Variants in FRAS1 observed in about 807,000 individuals in gnomAD.
The protein encoded by FRAS1 is extracellular matrix organizing protein FRAS1.
FRAS1 carries 290 observed loss-of-function variants against 435.2 expected under a neutral mutation model. The observed-to-expected ratio is 0.67, with a 90% CI of 0.61 to 0.73. FRAS1 has a LOEUF of 0.73. Among genes scored for constraint, FRAS1 ranks in the 30% least tolerant of loss-of-function variants. The pLI, the probability that FRAS1 is intolerant of heterozygous loss-of-function variation, is 0.00. For missense variants in FRAS1, 4,860 were observed against 5,001.5 expected, an observed-to-expected ratio of 0.97 and a Z score of 0.85; for synonymous variants, 1,800 against 1,851.0, an observed-to-expected ratio of 0.97 and a Z score of 0.71.
At chr4:78,144,476 GTTT>G (rs1054580071) in intron 2 of FRAS1, among the ~76,000 whole-genome samples, 10 of 149,584 alleles carry the variant, frequency 6.7e-5, no homozygotes, top group African/African-American at 2.5e-4. Flanking sequence ...GTGTGTGTGT[GTTT>G]TGTTTGTATT....
At chr4:78,111,594 G>T (rs1184482643) in intron 2 of FRAS1, among the ~76,000 whole-genome samples, 1 of 97,742 alleles carries the variant, frequency 1.0e-5, no homozygotes. Flanking sequence ...ACACTCTGGG[G>T]ACTGTGGTGG....
In FRAS1 at chr4:78,479,457, G is replaced by A. The variant is rs915414147; in HGVS notation, c.8182G>A (p.Gly2728Ser). ...MGSSLYALES[G>S]SDFKSRGMSA... is the part of the protein sequence containing the mutation. ...AAGTAGCCTCTATGCTCTAGAATCA[G>A]GCTCTGATTTTAAATCTAGAGGGAT... Residue 2728 changes from glycine to serine, a missense_variant, in exon 56 of 74, where the codon GGC (glycine) becomes AGC (serine). Transcript: ENST00000512123. 2.5e-6 allele frequency: 4 copies of A among 1,606,040 alleles called. No individual in the cohort carries two copies. Among genetic ancestry groups the A allele is most frequent in the Non-Finnish European group, 3.4e-6 (4 of 1,174,810 alleles).
intron 47 of FRAS1, among the ~76,000 whole-genome samples, chr4:78,452,834 C>A (rs1209958202): frequency 6.6e-6 from 1 of 152,116 alleles, no homozygotes; most frequent in African/African-American, 2.4e-5. Context: ...AAATAAGGAA[C>A]CTCTGCACAT....
intron 1 of FRAS1, among the ~76,000 whole-genome samples, chr4:78,062,099 C>T (rs1739785357): frequency 1.3e-5 from 2 of 152,122 alleles, no homozygotes; most frequent in South Asian, 2.1e-4. Context: ...CCCAGCCATC[C>T]GTATTCACTG....
At chr4:78,082,027 T>C (rs979003064) in intron 2 of FRAS1, among the ~76,000 whole-genome samples, 2 of 152,266 alleles carry the variant, frequency 1.3e-5, no homozygotes, top group African/African-American at 2.4e-5. Context: ...ATGTACCTCC[T>C]TACACATTTA....
chr4:78,221,399 T>C (rs1724045396), intron 2 of FRAS1, among the ~76,000 whole-genome samples: 1 of 152,230 alleles, frequency 6.6e-6, no homozygotes, highest in Non-Finnish European at 1.5e-5. Flanking sequence ...GAAGTAGAAT[T>C]ACCCGAGGGT....
At chr4:78,185,494 T>G in intron 2 of FRAS1, among the ~76,000 whole-genome samples, 1 of 152,360 alleles carries the variant, frequency 6.6e-6, no homozygotes, top group African/African-American at 2.4e-5. Flanking sequence ...AGAGGCTGTT[T>G]GTAAGCTTAG....
chr4:78,457,319 AG>A (rs1027673055), intron 47 of FRAS1, among the ~76,000 whole-genome samples: 2 of 152,170 alleles, frequency 1.3e-5, no homozygotes, highest in Admixed American at 1.3e-4. Flanking sequence ...TCTGCACCAC[AG>A]GGGGGCAGTG....
At chr4:78,287,942 T>C (rs1243041661) in intron 14 of FRAS1, among the ~76,000 whole-genome samples, 2 of 152,188 alleles carry the variant, frequency 1.3e-5, no homozygotes, top group East Asian at 3.8e-4. Context: ...GGAGGCTCTT[T>C]GGTGTCTACA....
intron 32 of FRAS1, among the ~76,000 whole-genome samples, chr4:78,415,117 A>G (rs1161552192): frequency 6.6e-6 from 1 of 152,200 alleles, no homozygotes; most frequent in African/African-American, 2.4e-5. Context: ...TGAGTCCCCA[A>G]AGTCCATTGT....
chr4:78,153,908 C>A (rs1430138154), intron 2 of FRAS1, among the ~76,000 whole-genome samples: 2 of 151,984 alleles, frequency 1.3e-5, no homozygotes, highest in Non-Finnish European at 2.9e-5. Flanking sequence ...TGGATGGATT[C>A]AGTCTTATTT....
At chr4:78,425,120 T>TAAC (rs1733948674) in intron 35 of FRAS1, among the ~76,000 whole-genome samples, 1 of 150,506 alleles carries the variant, frequency 6.6e-6, no homozygotes. Context: ...ATAATAATAA[T>TAAC]AATAATAATA....
chr4:78,288,455 C>A (rs1727724029), intron 14 of FRAS1, among the ~76,000 whole-genome samples: 2 of 152,148 alleles, frequency 1.3e-5, no homozygotes, highest in Non-Finnish European at 1.5e-5. Flanking sequence ...TCTCCCATGC[C>A]CGTTGTTTTA....
chr4:78,320,553 A>G (rs564804242), intron 18 of FRAS1, among the ~76,000 whole-genome samples: 2 of 152,222 alleles, frequency 1.3e-5, no homozygotes, highest in East Asian at 1.9e-4. Context: ...GGCAAAACCT[A>G]TGTCCCCTAA....
At chr4:78,540,388 G>GT in intron 73 of FRAS1, 143 bp from the exon 74 acceptor site, 1 of 500,370 alleles carries the variant, frequency 2.0e-6, no homozygotes, top group East Asian at 3.1e-5. Flanking sequence ...AGTTCTCTAT[G>GT]TATTAGTAGA....
In FRAS1 at chr4:78,400,904, T is replaced by G; in HGVS notation, c.4129+17T>G. On this transcript the variant is annotated intron_variant, in intron 30 of 73. Coordinates refer to ENST00000512123, the MANE Select transcript of FRAS1 (RefSeq NM_025074.7). ...CCCAGTTTGGTAACTATTTTTTCCT[T>G]TGGCGTGGTTTCATCGTTGCATTCA... is the stretch of plus-strand genomic sequence containing the variant. 1 of 1,612,358 alleles carries G rather than the reference T, an allele frequency of 6.2e-7. No individual in the cohort carries two copies. The highest frequency in any genetic ancestry group is 8.5e-7 in the Non-Finnish European group (1 of 1,179,048).
At chr4:78,412,817 T>A (rs560207249) in intron 31 of FRAS1, among the ~76,000 whole-genome samples, 152 bp from the exon 32 acceptor site, 1 of 152,224 alleles carries the variant, frequency 6.6e-6, no homozygotes, top group Non-Finnish European at 1.5e-5. Flanking sequence ...CAGTAAAAGA[T>A]CAATATTAAA....
Position 78,265,100 on chromosome 4 carries a change from G to A in FRAS1, c.679G>A (p.Val227Ile). The change falls in exon 7 of 74, where the codon GTA (valine) becomes ATA (isoleucine). Residue 227 changes from valine to isoleucine, a missense_variant. Coordinates refer to ENST00000512123, the MANE Select transcript of FRAS1 (RefSeq NM_025074.7). The part of the protein sequence containing the change: ...SARSCSAAGQ[V>I]YEHGEQWSEN... ...AAGATCCTGCTCTGCAGCTGGCCAA[G>A]TATACGAGGTAAGCTTTCATGCTCC... The A allele has an allele frequency of 6.2e-7, 1 of 1,611,602 alleles. No individual in the cohort carries two copies. The highest frequency in any genetic ancestry group is 1.7e-5 in the Admixed American group (1 of 59,948).
At chr4:78,084,843 A>T (rs1741067572) in intron 2 of FRAS1, among the ~76,000 whole-genome samples, 1 of 152,130 alleles carries the variant, frequency 6.6e-6, no homozygotes, top group Non-Finnish European at 1.5e-5. Context: ...TACAGTGAAC[A>T]GAGCTAAAAA....
Sources: allele counts gnomAD v4.1 joint callset (sites outside exome capture counted in the v4.1 genomes callset), GRCh38; gene constraint gnomAD v4.1.1; transcripts MANE v1.5; gene names NCBI Gene and HGNC (gene_info 2026-07-23, HGNC 2026-07-21).